The following PARD3B variants were observed in gnomAD, a reference collection of about 807,000 sequenced individuals.
PARD3B encodes the protein partitioning defective 3 homolog B.
Under a neutral mutation model 130.2 loss-of-function variants are expected in PARD3B, and 103 were observed. That is an observed-to-expected ratio of 0.79 (90% CI 0.67 to 0.93). The LOEUF (loss-of-function observed/expected upper bound fraction) is 0.93. PARD3B is among the 40% of genes least tolerant of loss of function. The pLI, the probability that PARD3B is intolerant of heterozygous loss-of-function variation, is 0.00. For missense variants in PARD3B, 1,609 were observed against 1,499.2 expected (o/e 1.07, Z -1.21); for synonymous variants, 583 against 553.2 (o/e 1.05, Z -0.76).
intron 4 of PARD3B, among the ~76,000 whole-genome samples, chr2:205,080,816 A>G (rs538186067): frequency 3.5e-4 from 53 of 152,220 alleles, no homozygotes; most frequent in African/African-American, 1.1e-3. Flanking sequence ...CATTTTAGCT[A>G]TTCTGATGGG....
intron 16 of PARD3B, among the ~76,000 whole-genome samples, chr2:205,256,662 T>G (rs2040100314): frequency 6.6e-6 from 1 of 152,158 alleles, no homozygotes; most frequent in Non-Finnish European, 1.5e-5. Flanking sequence ...TTTTTAAACT[T>G]AAACCATCAC....
chr2:204,744,707 T>C (rs2040144053), intron 2 of PARD3B, among the ~76,000 whole-genome samples: 1 of 152,164 alleles, frequency 6.6e-6, no homozygotes, highest in Non-Finnish European at 1.5e-5. Flanking sequence ...TTGAACTTAA[T>C]TCCTGAGTGG....
chr2:205,365,181 C>CAA (rs1227213303), intron 18 of PARD3B, among the ~76,000 whole-genome samples: 1 of 123,288 alleles, frequency 8.1e-6, no homozygotes, highest in Admixed American at 1.0e-4. Context: ...GCCTGGGAGA[C>CAA]AAGAGTAAAA....
intron 4 of PARD3B, among the ~76,000 whole-genome samples, chr2:205,063,116 A>T (rs1420475519): frequency 6.6e-6 from 1 of 152,086 alleles, no homozygotes; most frequent in African/African-American, 2.4e-5. Context: ...GATAGTAGTT[A>T]CAGAAACTAC....
chr2:205,548,519 A>T (rs1026706064), intron 21 of PARD3B, among the ~76,000 whole-genome samples: 1 of 151,984 alleles, frequency 6.6e-6, no homozygotes, highest in Admixed American at 6.6e-5. Flanking sequence ...AGTCAATCCT[A>T]TTGCTCTTAC....
intron 16 of PARD3B, among the ~76,000 whole-genome samples, chr2:205,264,206 A>T (rs2040418824): frequency 6.6e-6 from 1 of 151,114 alleles, no homozygotes; most frequent in African/African-American, 2.4e-5. Context: ...ATACAGATTT[A>T]GAAGTCATCT....
chr2:205,457,488 A>G (rs1235147242), intron 20 of PARD3B, among the ~76,000 whole-genome samples: 3 of 152,140 alleles, frequency 2.0e-5, no homozygotes, highest in African/African-American at 7.2e-5. Flanking sequence ...TACTGTTTAT[A>G]TGGTAAGCAT....
At chr2:205,251,964 G>A (rs1242104402) in intron 16 of PARD3B, among the ~76,000 whole-genome samples, 1 of 152,100 alleles carries the variant, frequency 6.6e-6, no homozygotes, top group East Asian at 1.9e-4. Context: ...ATATTTCCAT[G>A]GGATTCAGGA....
Position 205,301,499 on chromosome 2 carries a change from G to A in PARD3B, c.2428G>A (p.Gly810Arg). ...LSDKSSHSGQ[G>R]ALNCESAPQG... ...TGATAAGAGCTCTCACTCTGGCCAA[G>A]GAGCTCTGAATTGTGAGTCTGCCCC... Residue 810 changes from glycine to arginine, a missense_variant, in exon 18 of 23, where the codon GGA becomes AGA. Transcript: ENST00000406610. The surrounding 1 kb of genome is among the most constrained non-coding windows in gnomAD (Gnocchi z 5.2). 5 of 1,613,672 alleles carry A rather than the reference G, an allele frequency of 3.1e-6. No homozygotes were observed. The highest frequency in any genetic ancestry group is 1.3e-5 in the African/African-American group (1 of 74,908).
chr2:205,005,388 G>A (rs984301645), intron 3 of PARD3B, among the ~76,000 whole-genome samples: 1 of 152,112 alleles, frequency 6.6e-6, no homozygotes, highest in Non-Finnish European at 1.5e-5. Flanking sequence ...AAAATATGAT[G>A]TCCCAAATTG....
At chr2:204,823,059 G>T (rs529035680) in intron 2 of PARD3B, among the ~76,000 whole-genome samples, 1 of 152,126 alleles carries the variant, frequency 6.6e-6, no homozygotes, top group Non-Finnish European at 1.5e-5. Flanking sequence ...GAAATACAAG[G>T]TAGTCTTGTA....
intron 2 of PARD3B, among the ~76,000 whole-genome samples, chr2:204,884,286 T>C (rs1288630394): frequency 6.6e-6 from 1 of 152,136 alleles, no homozygotes; most frequent in Non-Finnish European, 1.5e-5. Context: ...CAGGCTCACT[T>C]GACTAAGAAA....
At chr2:205,071,786 A>G (rs536349133) in intron 4 of PARD3B, among the ~76,000 whole-genome samples, 2 of 152,246 alleles carry the variant, frequency 1.3e-5, no homozygotes, top group South Asian at 4.1e-4. Flanking sequence ...GTTATCCAGA[A>G]TTTCTGTCTT....
intron 1 of PARD3B, among the ~76,000 whole-genome samples, chr2:204,609,914 T>C (rs1260808811): frequency 6.6e-6 from 1 of 152,150 alleles, no homozygotes; most frequent in Non-Finnish European, 1.5e-5. Context: ...CTTTATAGGG[T>C]CATTTCAAGA....
In PARD3B at chr2:205,421,883, C is replaced by T. The variant is rs554255360; in HGVS notation, c.2742-18487C>T. ...AGTGCATCTCTCCAATCTCTGCTTC[C>T]GTTGTCACTTGGCCTTCTCTCTCAG... On this transcript the variant is annotated intron_variant, in intron 19 of 22. Transcript: ENST00000406610. This position sits in a 1 kb window ranked among gnomAD's most constrained non-coding sequence, Gnocchi z 5.1. 3.3e-5 allele frequency among the ~76,000 whole-genome samples: 5 copies of T among 152,120 alleles called. No individual in the cohort carries two copies. The highest frequency in any genetic ancestry group is 7.2e-5 in the African/African-American group (3 of 41,422).
chr2:204,829,226 A>T (rs1022427318), intron 2 of PARD3B, among the ~76,000 whole-genome samples: 3 of 152,232 alleles, frequency 2.0e-5, no homozygotes, highest in African/African-American at 7.2e-5. Context: ...ATAAGTTCAT[A>T]GTTAACCAAC....
intron 2 of PARD3B, among the ~76,000 whole-genome samples, chr2:204,865,265 C>T (rs1044386991): frequency 2.0e-5 from 3 of 152,162 alleles, no homozygotes; most frequent in Non-Finnish European, 4.4e-5. Flanking sequence ...AATCCCACTC[C>T]TGGGCATCTA....
intron 18 of PARD3B, among the ~76,000 whole-genome samples, chr2:205,316,690 A>G (rs749068366): frequency 6.6e-6 from 1 of 152,162 alleles, no homozygotes; most frequent in African/African-American, 2.4e-5. Flanking sequence ...AAATTCGGAT[A>G]TGTGCCCTTC....
intron 2 of PARD3B, among the ~76,000 whole-genome samples, chr2:204,952,247 ATT>A (rs375406555): frequency 7.6e-4 from 116 of 152,328 alleles, no homozygotes; most frequent in South Asian, 7.3e-3. Context: ...ATTTGTGCAT[ATT>A]TTTATTGTAA....
Sources: allele counts gnomAD v4.1 joint callset (sites outside exome capture counted in the v4.1 genomes callset), GRCh38; gene constraint gnomAD v4.1.1; non-coding constraint Gnocchi (gnomAD v3.1); transcripts MANE v1.5; gene names NCBI Gene and HGNC (gene_info 2026-07-23, HGNC 2026-07-21).